The following CRTAC1 variants were observed in gnomAD, a reference collection of about 807,000 sequenced individuals.
The protein encoded by CRTAC1 is cartilage acidic protein 1.
Under a neutral mutation model 67.8 loss-of-function variants are expected in CRTAC1, and 37 were observed. The ratio of observed to expected loss-of-function variants is 0.55; its 90% CI spans 0.42 to 0.72. The LOEUF (loss-of-function observed/expected upper bound fraction) is 0.72, where lower values mean the gene tolerates loss of function less well. CRTAC1 is among the 30% of genes least tolerant of loss of function. The probability of loss-of-function intolerance (pLI) is 0.00; values close to 1 mark genes in which losing one functional copy is unlikely to be tolerated. For synonymous variants in CRTAC1, 348 were observed against 371.0 expected (o/e 0.94, Z 0.71); for missense variants, 780 against 931.6 (o/e 0.84, Z 2.12).
chr10:97,963,232 A>G lies in CRTAC1; in HGVS notation c.225-26866T>C, dbSNP rs111686884. Among the ~76,000 whole-genome samples the G allele has an allele frequency of 1.9e-3, 283 of 152,140 alleles. 1 individual carries two copies. The highest frequency in any genetic ancestry group is 4.9e-3 in the African/African-American group (203 of 41,520). On this transcript the variant is annotated intron_variant, in intron 2 of 14. Transcript: ENST00000370597. ...ACCCTCCCTACTTGGTGCTTGTGTC[A>G]TCTTTGTTTTGATGTCCTCTTCTTT... is the stretch of plus-strand genomic sequence containing the variant.
chr10:97,911,987 A>G (rs528266043), intron 5 of CRTAC1, among the ~76,000 whole-genome samples: 6 of 152,196 alleles, frequency 3.9e-5, no homozygotes, highest in Non-Finnish European at 8.8e-5. Context: ...CTGGAGAGGC[A>G]GTGCTGGTTG....
rs1438295288 is a variant in CRTAC1 at position 98,017,908 on chromosome 10, A to G, written c.25-6571T>C. 2.0e-5 allele frequency among the ~76,000 whole-genome samples: 3 copies of G among 151,992 alleles called. No homozygotes were observed. The East Asian group carries it at 5.8e-4, about 30-fold the overall frequency. ...CAGCAAGGTGAAGAGATAGAGAGAT[A>G]AAGAGAGGCCAGGCATGGTGGCTCA... On this transcript the variant is annotated intron_variant, in intron 1 of 14. Transcript: ENST00000370597.
chr10:98,006,011 G>A (rs1842782426), intron 2 of CRTAC1, among the ~76,000 whole-genome samples: 1 of 152,146 alleles, frequency 6.6e-6, no homozygotes, highest in African/African-American at 2.4e-5. Context: ...ATAATCTTTG[G>A]GTAGAAAAAT....
At chr10:97,910,183 TAA>T (rs2050670354) in intron 5 of CRTAC1, among the ~76,000 whole-genome samples, 1 of 152,254 alleles carries the variant, frequency 6.6e-6, no homozygotes, top group South Asian at 2.1e-4. Flanking sequence ...TTGAACTTGC[TAA>T]GAGAGTAGAT....
intron 4 of CRTAC1, among the ~76,000 whole-genome samples, chr10:97,922,139 AC>A (rs1001930651): frequency 1.3e-5 from 2 of 150,298 alleles, no homozygotes; most frequent in Admixed American, 6.6e-5. Context: ...CAGGTCTGGC[AC>A]CCCCCAGCTC....
intron 3 of CRTAC1, among the ~76,000 whole-genome samples, chr10:97,925,826 G>A (rs915183082): frequency 6.6e-6 from 1 of 152,140 alleles, no homozygotes; most frequent in Non-Finnish European, 1.5e-5. Context: ...ATGAGCGTGA[G>A]TACTTGTGGG....
At chr10:98,002,761 CTTTTTTTTTTTTTTTTT>C (rs531021933) in intron 2 of CRTAC1, among the ~76,000 whole-genome samples, 36 of 37,296 alleles carry the variant, frequency 9.7e-4, no homozygotes, top group African/African-American at 2.0e-3. Context: ...ACAAAACTCA[CTTTTTTTTTTTTTTTTT>C]TTTTTTTTTT....
chr10:97,935,588 A>G (rs2051073978), intron 3 of CRTAC1, among the ~76,000 whole-genome samples: 1 of 152,140 alleles, frequency 6.6e-6, no homozygotes, highest in Non-Finnish European at 1.5e-5. Context: ...CCTGCAAGAA[A>G]AGGCTCCACG....
intron 2 of CRTAC1, among the ~76,000 whole-genome samples, chr10:97,963,948 G>A (rs1193363713): frequency 1.3e-5 from 2 of 152,144 alleles, no homozygotes; most frequent in Admixed American, 1.3e-4. Context: ...CTGTCTCCAG[G>A]ACTCATACCT....
In CRTAC1 at chr10:97,882,778, C is replaced by T; in HGVS notation, c.1675+8G>A. 6.2e-7 allele frequency: 1 copy of T among 1,613,954 alleles called. No individual in the cohort carries two copies. The highest frequency in any genetic ancestry group is 8.5e-7 in the Non-Finnish European group (1 of 1,179,846). On this transcript the variant is annotated splice_region_variant and intron_variant, in intron 13 of 14. Coordinates refer to ENST00000370597, the MANE Select transcript of CRTAC1 (RefSeq NM_018058.7). ...TACCCCATGCCCTGGTGACTGAAGG[C>T]AACTCACCCATGCAATGGCCATTTT...
intron 2 of CRTAC1, among the ~76,000 whole-genome samples, chr10:97,951,459 G>A (rs192567074): frequency 5.3e-5 from 8 of 152,298 alleles, no homozygotes; most frequent in Admixed American, 5.2e-4. Context: ...GTCATTCAGA[G>A]GGGTCTTTGT....
intron 14 of CRTAC1, chr10:97,878,663 T>G: frequency 7.7e-7 from 1 of 1,303,970 alleles, no homozygotes; most frequent in Non-Finnish European, 1.0e-6. Flanking sequence ...CCAAGGAGAT[T>G]GCAGAGACCA....
At chr10:98,026,985 G>A (rs1843246086) in intron 1 of CRTAC1, among the ~76,000 whole-genome samples, 1 of 152,130 alleles carries the variant, frequency 6.6e-6, no homozygotes, top group African/African-American at 2.4e-5. Context: ...TGAGACCACA[G>A]TGAAACCCCG....
At chr10:97,986,877 T>G (rs995235790) in intron 2 of CRTAC1, among the ~76,000 whole-genome samples, 1 of 152,180 alleles carries the variant, frequency 6.6e-6, no homozygotes, top group Non-Finnish European at 1.5e-5. Flanking sequence ...TTCTCACTTT[T>G]CTCTTTTATA....
At chr10:98,002,429 C>T (rs980444453) in intron 2 of CRTAC1, among the ~76,000 whole-genome samples, 1 of 152,032 alleles carries the variant, frequency 6.6e-6, no homozygotes, top group Non-Finnish European at 1.5e-5. Context: ...GGCCTCTGTC[C>T]CCTTGGTAAA....
chr10:97,969,688 G>A (rs1449833063), intron 2 of CRTAC1, among the ~76,000 whole-genome samples: 1 of 152,112 alleles, frequency 6.6e-6, no homozygotes, highest in East Asian at 1.9e-4. Flanking sequence ...CAGAGCCATT[G>A]ATCAGAAACA....
chr10:97,989,553 G>A (rs1842396599), intron 2 of CRTAC1, among the ~76,000 whole-genome samples: 1 of 152,164 alleles, frequency 6.6e-6, no homozygotes, highest in Non-Finnish European at 1.5e-5. Flanking sequence ...TCTAAATATA[G>A]AAAAGGTACA....
intron 2 of CRTAC1, among the ~76,000 whole-genome samples, chr10:97,977,816 C>T (rs940442430): frequency 2.0e-5 from 3 of 152,156 alleles, no homozygotes; most frequent in Admixed American, 1.3e-4. Context: ...GAGTGTAAAT[C>T]AGAGTGGCAG....
Position 97,895,753 on chromosome 10 carries a change from T to A in CRTAC1, c.1317+132A>T. On this transcript the variant is annotated intron_variant, in intron 10 of 14. Coordinates refer to ENST00000370597, the MANE Select transcript of CRTAC1 (RefSeq NM_018058.7). The surrounding 1 kb of genome is among the most constrained non-coding windows in gnomAD (Gnocchi z 4.2). Reference sequence around the variant, plus strand: ...CCGGTGCTGCTGGAATTTACTTCCCTCCTCCAGGGCCCGGGACTTCCATTA... The same window carrying A: ...CCGGTGCTGCTGGAATTTACTTCCCACCTCCAGGGCCCGGGACTTCCATTA... The A allele has an allele frequency of 1.4e-6, 1 of 707,304 alleles. No homozygotes were observed. The highest frequency in any genetic ancestry group is 2.8e-5 in the East Asian group (1 of 36,132). The allele number at this position is 707,304 out of a possible 1,614,324, so 43.8% of individuals were successfully genotyped here. A position where few individuals can be genotyped will look rare whatever the true frequency, so the allele number is the denominator to read the frequency against.
Sources: allele counts gnomAD v4.1 joint callset (sites outside exome capture counted in the v4.1 genomes callset), GRCh38; gene constraint gnomAD v4.1.1; non-coding constraint Gnocchi (gnomAD v3.1); transcripts MANE v1.5; gene names NCBI Gene and HGNC (gene_info 2026-07-23, HGNC 2026-07-21).